The following XKR9 variants were observed in gnomAD, a reference collection of about 807,000 sequenced individuals.
XKR9 encodes XK-related protein 9.
In XKR9, 32 loss-of-function variants were observed where a neutral mutation model predicts 32.0. That is an observed-to-expected ratio of 1.00 (90% CI 0.76 to 1.34). The LOEUF is 1.34. Among genes scored for constraint, XKR9 ranks in the 40% most tolerant of loss-of-function variants. The probability of loss-of-function intolerance (pLI) is 0.00; values close to 1 mark genes in which losing one functional copy is unlikely to be tolerated. For synonymous variants in XKR9, 168 were observed against 143.4 expected, an observed-to-expected ratio of 1.17 and a Z score of -1.22; for missense variants, 546 against 429.7, an observed-to-expected ratio of 1.27 and a Z score of -2.39.
chr8:70,851,182 A>G, the XKR9 span, among the ~76,000 whole-genome samples: 5 of 152,200 alleles, frequency 3.3e-5, no homozygotes, highest in African/African-American at 7.2e-5. Context: ...CCCATTCACA[A>G]TTGCTACAAA....
At chr8:70,912,789 C>G in the XKR9 span, among the ~76,000 whole-genome samples, 1 of 151,868 alleles carries the variant, frequency 6.6e-6, no homozygotes, top group Non-Finnish European at 1.5e-5. Context: ...AAAGAGAAAC[C>G]AAGAAGAAGA....
the XKR9 span, among the ~76,000 whole-genome samples, chr8:70,802,795 G>GA: frequency 6.6e-6 from 1 of 152,228 alleles, no homozygotes; most frequent in Non-Finnish European, 1.5e-5. Flanking sequence ...TAAGAATGCT[G>GA]ACTTGAAGGG....
chr8:70,857,657 A>T, the XKR9 span, among the ~76,000 whole-genome samples: 1 of 152,204 alleles, frequency 6.6e-6, no homozygotes, highest in Non-Finnish European at 1.5e-5. Flanking sequence ...GCCGAGACAC[A>T]ACAAAAAAAG....
At chr8:70,852,843 C>G in the XKR9 span, among the ~76,000 whole-genome samples, 2 of 151,816 alleles carry the variant, frequency 1.3e-5, no homozygotes, top group African/African-American at 4.8e-5. Context: ...TTCTGGGGTC[C>G]ATTGGCAGGT....
chr8:70,978,675 CTTCAT>C, the XKR9 span, among the ~76,000 whole-genome samples: 1 of 152,096 alleles, frequency 6.6e-6, no homozygotes, highest in Non-Finnish European at 1.5e-5. Flanking sequence ...ACATTTTGTC[CTTCAT>C]TTCAACCTTG....
downstream of XKR9, among the ~76,000 whole-genome samples, chr8:70,739,546 C>T (rs1482959001): frequency 6.6e-6 from 1 of 152,114 alleles, no homozygotes; most frequent in Non-Finnish European, 1.5e-5. Flanking sequence ...TTAGTTGATG[C>T]AGTTTCTTCC....
chr8:70,980,812 C>T, the XKR9 span, among the ~76,000 whole-genome samples: 456 of 152,214 alleles, frequency 3.0e-3, 2 homozygotes, highest in African/African-American at 0.01. Context: ...TCCTTTTAAC[C>T]GTTCTTGTAG....
intron 2 of XKR9, among the ~76,000 whole-genome samples, chr8:70,778,570 C>G (rs1483919342): frequency 2.6e-5 from 4 of 152,140 alleles, no homozygotes; most frequent in Admixed American, 1.3e-4. Context: ...TTGATTCTTC[C>G]TATCCATGAG....
At chr8:70,969,288 C>G in the XKR9 span, among the ~76,000 whole-genome samples, 6 of 152,094 alleles carry the variant, frequency 3.9e-5, no homozygotes, top group Non-Finnish European at 5.9e-5. Context: ...GTGATAGTAA[C>G]AGGAGTGACA....
Position 70,742,171 on chromosome 8 carries a change from T to A in XKR9, n.352+35018T>A, listed in dbSNP as rs7016334. 1.6e-3 allele frequency among the ~76,000 whole-genome samples: 241 copies of A among 152,102 alleles called. 1 individual carries two copies. Among genetic ancestry groups the A allele is most frequent in the African/African-American group, 5.6e-3 (233 of 41,494 alleles). On this transcript the variant is annotated intron_variant and non_coding_transcript_variant, in intron 2 of 3. Coordinates refer to the XKR9 transcript ENST00000520273. ...TATATAAATAACTTCTGTAACTGAA[T>A]AACAACAAAAAAGCCTAAATAACCA...
At chr8:70,920,379 A>G in the XKR9 span, among the ~76,000 whole-genome samples, 1 of 152,182 alleles carries the variant, frequency 6.6e-6, no homozygotes, top group Non-Finnish European at 1.5e-5. Flanking sequence ...CTCCTTACAA[A>G]GCATATTTAC....
the XKR9 span, among the ~76,000 whole-genome samples, chr8:70,868,760 C>T: frequency 0.014 from 2,146 of 152,274 alleles, 70 homozygotes; most frequent in African/African-American, 0.048. Flanking sequence ...TTAAATTTCT[C>T]CTAATAAAAT....
rs538619562 is a variant in XKR9, at chr8:70,713,603, ATAAATGAATATTGAATATTC to A, written c.493+6464_493+6483del. On this transcript the variant is annotated intron_variant, in intron 4 of 4. Transcript: ENST00000408926. ...TAAGTATATGGGTGATTCTAAATGA[ATAAATGAATATTGAATATTC>A]TAAATGAATATTGGCATTTTGTTTT... Among the ~76,000 whole-genome samples, 18 of 152,292 alleles carry A rather than the reference ATAAATGAATATTGAATATTC, an allele frequency of 1.2e-4. No homozygotes were observed. In the South Asian group the frequency reaches 3.3e-3, roughly 28 times the overall value.
the XKR9 span, among the ~76,000 whole-genome samples, chr8:70,957,049 G>A: frequency 1.3e-4 from 20 of 152,322 alleles, 1 homozygote; most frequent in East Asian, 3.3e-3. Context: ...CACCTCACCC[G>A]CTGCAGCCAG....
the XKR9 span, among the ~76,000 whole-genome samples, chr8:70,962,782 G>A: frequency 2.0e-5 from 3 of 152,118 alleles, no homozygotes; most frequent in African/African-American, 7.2e-5. Context: ...AATGAAGGAT[G>A]TCCCTTATTT....
chr8:70,718,049 T>G (rs944318834), intron 4 of XKR9, among the ~76,000 whole-genome samples: 1 of 152,150 alleles, frequency 6.6e-6, no homozygotes, highest in Non-Finnish European at 1.5e-5. Flanking sequence ...CTGGACTTTA[T>G]TGTTCATATC....
At chr8:70,982,833 A>C in the XKR9 span, among the ~76,000 whole-genome samples, 1 of 152,174 alleles carries the variant, frequency 6.6e-6, no homozygotes, top group Non-Finnish European at 1.5e-5. Context: ...CTGCCATCTT[A>C]ATCTGAATCA....
At chr8:70,946,613 C>G in the XKR9 span, among the ~76,000 whole-genome samples, 1 of 152,164 alleles carries the variant, frequency 6.6e-6, no homozygotes, top group Non-Finnish European at 1.5e-5. Flanking sequence ...TAAAATGAGG[C>G]TTGACTGTAA....
intron 4 of XKR9, among the ~76,000 whole-genome samples, chr8:70,726,587 AG>A (rs1216135586): frequency 6.6e-6 from 1 of 152,198 alleles, no homozygotes; most frequent in Non-Finnish European, 1.5e-5. Flanking sequence ...CTGTAACAGG[AG>A]ATGAAACATG....
Sources: gnomAD v4.1 joint callset for allele counts (sites outside exome capture counted in the v4.1 genomes callset) on GRCh38, gnomAD v4.1.1 for gene constraint, MANE v1.5 for transcripts, NCBI Gene and HGNC (gene_info 2026-07-23, HGNC 2026-07-21) for gene names.